The following NLGN1 variants were observed in gnomAD, a reference collection of about 807,000 sequenced individuals.
NLGN1 encodes neuroligin 1, also known as neuroligin-1.
NLGN1 carries 12 observed loss-of-function variants against 65.5 expected under a neutral mutation model. The ratio of observed to expected loss-of-function variants is 0.18; its 90% CI spans 0.12 to 0.30. NLGN1 has a LOEUF of 0.30. NLGN1 is among the 10% of genes least tolerant of loss of function. The pLI, the probability that NLGN1 is intolerant of heterozygous loss-of-function variation, is 1.00. For missense variants in NLGN1, 750 were observed against 1,007.1 expected (o/e 0.74, Z 3.46); for synonymous variants, 350 against 359.5 (o/e 0.97, Z 0.30).
intron 4 of NLGN1, among the ~76,000 whole-genome samples, chr3:174,034,331 T>G (rs2152478826): frequency 6.6e-6 from 1 of 152,100 alleles, no homozygotes; most frequent in Admixed American, 6.5e-5. Context: ...AAAAAAAATT[T>G]TAGGCAGGAG....
intron 2 of NLGN1, among the ~76,000 whole-genome samples, chr3:173,557,804 A>G (rs1354526220): frequency 6.6e-6 from 1 of 152,092 alleles, no homozygotes; most frequent in African/African-American, 2.4e-5. Flanking sequence ...TCTATTAAAC[A>G]AATTTTTAAA....
At chr3:173,670,191 T>C (rs1762269254) in intron 3 of NLGN1, among the ~76,000 whole-genome samples, 1 of 152,196 alleles carries the variant, frequency 6.6e-6, no homozygotes, top group African/African-American at 2.4e-5. Flanking sequence ...GCCTGGTGCC[T>C]TGTTGTGATT....
At chr3:174,274,266 A>C (rs1014694121) in intron 4 of NLGN1, among the ~76,000 whole-genome samples, 5 of 151,612 alleles carry the variant, frequency 3.3e-5, no homozygotes, top group African/African-American at 1.2e-4. Context: ...AATATATTAG[A>C]GAATAGATGT....
intron 4 of NLGN1, among the ~76,000 whole-genome samples, chr3:173,872,073 G>A (rs547295835): frequency 3.9e-5 from 6 of 152,206 alleles, no homozygotes; most frequent in African/African-American, 1.4e-4. Context: ...AGGTGGGTAG[G>A]TCACGAGGGA....
intron 2 of NLGN1, among the ~76,000 whole-genome samples, chr3:173,436,209 C>A (rs1012761223): frequency 6.6e-6 from 1 of 152,176 alleles, no homozygotes; most frequent in Non-Finnish European, 1.5e-5. Context: ...AAATGACCAG[C>A]ATTAAAAGCA....
chr3:173,779,473 G>A (rs562199994), intron 3 of NLGN1, among the ~76,000 whole-genome samples: 28 of 51,892 alleles, frequency 5.4e-4, no homozygotes, highest in African/African-American at 3.1e-3. Context: ...TTTCTTAATG[G>A]TTTTTACTCT....
At chr3:173,811,769 G>A (rs1718004544) in intron 4 of NLGN1, among the ~76,000 whole-genome samples, 1 of 151,894 alleles carries the variant, frequency 6.6e-6, no homozygotes, top group Non-Finnish European at 1.5e-5. Context: ...TAGATGAGAT[G>A]TCCACAAAAC....
intron 1 of NLGN1, among the ~76,000 whole-genome samples, chr3:173,398,648 G>A (rs779555208): frequency 3.3e-5 from 5 of 152,178 alleles, no homozygotes; most frequent in Non-Finnish European, 7.3e-5. Flanking sequence ...ATCATGAACA[G>A]TTGGCCTCCA....
chr3:174,006,774 A>T (rs1035818059), intron 4 of NLGN1, among the ~76,000 whole-genome samples: 1 of 152,108 alleles, frequency 6.6e-6, no homozygotes, highest in African/African-American at 2.4e-5. Flanking sequence ...TTCTTATAAG[A>T]AGAGGAGATT....
chr3:173,890,213 T>C (rs1735076711), intron 4 of NLGN1, among the ~76,000 whole-genome samples: 2 of 152,158 alleles, frequency 1.3e-5, no homozygotes, highest in Non-Finnish European at 2.9e-5. Context: ...GTATTACCAT[T>C]AACACAGAGA....
chr3:173,718,235 C>G (rs1282287212), intron 3 of NLGN1, among the ~76,000 whole-genome samples: 1 of 152,038 alleles, frequency 6.6e-6, no homozygotes, highest in East Asian at 1.9e-4. Context: ...TTATCAAACA[C>G]TAGAACTTCC....
intron 4 of NLGN1, among the ~76,000 whole-genome samples, chr3:173,882,966 A>G (rs557334067): frequency 7.7e-5 from 11 of 142,958 alleles, no homozygotes; most frequent in Non-Finnish European, 7.5e-5. Context: ...GCCATTGAGG[A>G]GTTATTAATT....
intron 4 of NLGN1, among the ~76,000 whole-genome samples, chr3:174,040,072 A>C (rs1212174426): frequency 6.6e-6 from 1 of 152,132 alleles, no homozygotes; most frequent in African/African-American, 2.4e-5. Flanking sequence ...ATTATCTTTG[A>C]CTTTCCATAG....
At chr3:174,255,433 C>G (rs1382417386) in intron 4 of NLGN1, among the ~76,000 whole-genome samples, 3 of 28,582 alleles carry the variant, frequency 1.0e-4, no homozygotes, top group African/African-American at 6.4e-4. Flanking sequence ...AAGACTCTGT[C>G]TCAAAAAAAA....
At chr3:173,408,373 A>T (rs1223183783) in intron 1 of NLGN1, among the ~76,000 whole-genome samples, 1 of 152,134 alleles carries the variant, frequency 6.6e-6, no homozygotes, top group Non-Finnish European at 1.5e-5. Flanking sequence ...AAAAATTTTT[A>T]ACATTTTTAA....
intron 3 of NLGN1, among the ~76,000 whole-genome samples, chr3:173,798,340 T>A (rs1013817015): frequency 6.6e-6 from 1 of 152,108 alleles, no homozygotes; most frequent in Non-Finnish European, 1.5e-5. Flanking sequence ...AAATGTATAT[T>A]TTTTTGCAGT....
intron 3 of NLGN1, among the ~76,000 whole-genome samples, chr3:173,632,849 G>GTT (rs5854526): frequency 8.6e-5 from 10 of 116,420 alleles, no homozygotes; most frequent in African/African-American, 1.2e-4. Context: ...TTTTTTTTTT[G>GTT]TTTTTTTTTT....
At chr3:173,602,827 CTT>C (rs1365141793) in intron 2 of NLGN1, among the ~76,000 whole-genome samples, 1 of 152,012 alleles carries the variant, frequency 6.6e-6, no homozygotes, top group African/African-American at 2.4e-5. Flanking sequence ...ATTATATACA[CTT>C]TACAGAAATG....
chr3:173,899,586 A>G (rs1362888094), intron 4 of NLGN1, among the ~76,000 whole-genome samples: 1 of 152,154 alleles, frequency 6.6e-6, no homozygotes, highest in Non-Finnish European at 1.5e-5. Context: ...ATGGTTGAGA[A>G]AAATCAAAAG....
Sources: allele counts gnomAD v4.1 joint callset (sites outside exome capture counted in the v4.1 genomes callset), GRCh38; gene constraint gnomAD v4.1.1; transcripts MANE v1.5; gene names NCBI Gene and HGNC (gene_info 2026-07-23, HGNC 2026-07-21).